Variants in SPECC1 observed in about 807,000 individuals in gnomAD.
SPECC1 encodes cytospin-B.
SPECC1 carries 62 observed loss-of-function variants against 104.1 expected under a neutral mutation model. The ratio of observed to expected loss-of-function variants is 0.60; its 90% CI spans 0.49 to 0.74. The LOEUF is 0.74. SPECC1 is among the 30% of genes least tolerant of loss of function. The probability of loss-of-function intolerance (pLI) is 0.00; values close to 1 mark genes in which losing one functional copy is unlikely to be tolerated. For synonymous variants in SPECC1, 513 were observed against 501.6 expected, an observed-to-expected ratio of 1.02 and a Z score of -0.30; for missense variants, 1,306 against 1,310.5, an observed-to-expected ratio of 1.00 and a Z score of 0.05.
At chr17:20,017,874 G>T (rs1044666539) in intron 1 of SPECC1, 16 of 152,130 alleles carry the variant, frequency 1.1e-4, no homozygotes, top group African/African-American at 3.9e-4. Context: ...CTTTGCTTGG[G>T]TTTGTGTTCT....
intron 3 of SPECC1, among the ~76,000 whole-genome samples, chr17:20,134,399 C>G (rs1056989561): frequency 6.6e-6 from 1 of 151,828 alleles, no homozygotes; most frequent in Non-Finnish European, 1.5e-5. Flanking sequence ...ACCCACCCCT[C>G]TGCATGACTC....
intron 12 of SPECC1, among the ~76,000 whole-genome samples, chr17:20,296,732 T>C (rs918297741): frequency 3.9e-5 from 6 of 152,238 alleles, no homozygotes; most frequent in Non-Finnish European, 5.9e-5. Flanking sequence ...GAAGAGGTCC[T>C]TCACATCCCT....
intron 3 of SPECC1, among the ~76,000 whole-genome samples, chr17:20,194,571 A>T (rs1597937187): frequency 7.7e-6 from 1 of 129,464 alleles, no homozygotes; most frequent in South Asian, 2.4e-4. Context: ...CAGTGACATG[A>T]TCTTGGCTCA....
intron 3 of SPECC1, among the ~76,000 whole-genome samples, chr17:20,177,223 A>G (rs2034531525): frequency 1.3e-5 from 2 of 152,240 alleles, no homozygotes; most frequent in Admixed American, 6.5e-5. Flanking sequence ...TGTTGCTAAG[A>G]CACAGGGTAT....
At chr17:20,112,250 G>A (rs1455654223) in intron 3 of SPECC1, 1 of 763,188 alleles carries the variant, frequency 1.3e-6, no homozygotes, top group Non-Finnish European at 2.4e-6. Flanking sequence ...GAAGTCCTGA[G>A]TACTTTGAAC....
chr17:20,275,815 C>G (rs2040557825), intron 12 of SPECC1, among the ~76,000 whole-genome samples: 2 of 152,152 alleles, frequency 1.3e-5, no homozygotes, highest in South Asian at 2.1e-4. Flanking sequence ...TCCCCTGTCC[C>G]CATGTGGCCA....
chr17:20,227,929 A>G (rs562945246), intron 5 of SPECC1, among the ~76,000 whole-genome samples: 2 of 152,050 alleles, frequency 1.3e-5, no homozygotes, highest in African/African-American at 4.8e-5. Flanking sequence ...AATGGAGCTG[A>G]GTAGGACACT....
At chr17:20,038,741 A>G (rs1055047403) in intron 1 of SPECC1, among the ~76,000 whole-genome samples, 1 of 152,204 alleles carries the variant, frequency 6.6e-6, no homozygotes, top group African/African-American at 2.4e-5. Flanking sequence ...AGAAATTTTT[A>G]AAAATACATT....
intron 3 of SPECC1, among the ~76,000 whole-genome samples, chr17:20,140,375 A>G (rs72830155): frequency 2.1e-4 from 32 of 152,288 alleles, no homozygotes; most frequent in Admixed American, 1.1e-3. Context: ...GGAAGATTGG[A>G]TACTGAATCC....
intron 13 of SPECC1, among the ~76,000 whole-genome samples, chr17:20,302,460 CAGT>C (rs1330073083): frequency 6.6e-6 from 1 of 152,116 alleles, no homozygotes; most frequent in African/African-American, 2.4e-5. Flanking sequence ...GGCCTCTGCA[CAGT>C]GGTGGTGACA....
chr17:20,137,062 C>T (rs981607992), intron 3 of SPECC1, among the ~76,000 whole-genome samples: 9 of 152,234 alleles, frequency 5.9e-5, no homozygotes, highest in African/African-American at 1.4e-4. Flanking sequence ...CCTTCACCAT[C>T]GGAAACCACT....
chr17:20,068,409 T>G (rs530610018), intron 1 of SPECC1, among the ~76,000 whole-genome samples: 1 of 152,252 alleles, frequency 6.6e-6, no homozygotes, highest in Non-Finnish European at 1.5e-5. Flanking sequence ...GGGTTTTTTC[T>G]ACTTTATGGC....
In SPECC1 at chr17:20,257,476, C is replaced by T. The variant is rs757541097; in HGVS notation, c.2706C>T (p.Thr902=). ...ATATTCTAAAGGGAAGGACTGAGAC[C>T]CTGAAGCCAGACCCCCACCTCCGCA... The part of the protein sequence containing the change: ...LSDILKGRTE[T]LKPDPHLRKS... Residue 902 remains threonine (T), a synonymous_variant, in exon 11 of 15, where the codon ACC becomes ACT. Coordinates refer to ENST00000395527, the MANE Select transcript of SPECC1 (RefSeq NM_001243439.2). 3 of 1,597,144 alleles carry T rather than the reference C, an allele frequency of 1.9e-6. No individual in the cohort carries two copies. The highest frequency in any genetic ancestry group is 2.3e-5 in the South Asian group (2 of 87,910).
chr17:20,300,362 T>C (rs1378021669), intron 13 of SPECC1, among the ~76,000 whole-genome samples: 3 of 152,200 alleles, frequency 2.0e-5, no homozygotes, highest in African/African-American at 7.2e-5. Flanking sequence ...CTTGATGTCT[T>C]AGTGTCTGCT....
At chr17:20,156,223 G>A (rs2032492992) in intron 3 of SPECC1, 2 of 1,412,822 alleles carry the variant, frequency 1.4e-6, no homozygotes, top group African/African-American at 1.5e-5. Flanking sequence ...GACGGCCCGA[G>A]GATCCGGAAC....
At chr17:20,123,370 T>C (rs1466194185) in intron 3 of SPECC1, among the ~76,000 whole-genome samples, 1 of 152,232 alleles carries the variant, frequency 6.6e-6, no homozygotes, top group Non-Finnish European at 1.5e-5. Flanking sequence ...ACATCTCAGA[T>C]GGTGATCAGT....
chr17:20,237,248 G>T (rs2038969429), intron 7 of SPECC1: 1 of 1,223,250 alleles, frequency 8.2e-7, no homozygotes, highest in Non-Finnish European at 1.0e-6. Context: ...AGCAGATGCA[G>T]AGCTGGGTAC....
chr17:20,238,288 G>A (rs1361713688), intron 7 of SPECC1: 12 of 1,040,588 alleles, frequency 1.2e-5, no homozygotes, highest in African/African-American at 1.7e-5. Flanking sequence ...ACTCACCCCA[G>A]AAACTTAGTG....
chr17:20,100,724 T>C (rs1338693155), intron 2 of SPECC1, among the ~76,000 whole-genome samples: 1 of 152,220 alleles, frequency 6.6e-6, no homozygotes, highest in Non-Finnish European at 1.5e-5. Flanking sequence ...GGTATAAATG[T>C]GCCATGGTGC....
Sources: gnomAD v4.1 joint callset for allele counts (sites outside exome capture counted in the v4.1 genomes callset) on GRCh38, gnomAD v4.1.1 for gene constraint, MANE v1.5 for transcripts, NCBI Gene and HGNC (gene_info 2026-07-23, HGNC 2026-07-21) for gene names.